Variants in SDK1 observed in about 807,000 individuals in gnomAD.
SDK1 encodes sidekick cell adhesion molecule 1.
Under a neutral mutation model 245.5 loss-of-function variants are expected in SDK1, and 157 were observed. The ratio of observed to expected loss-of-function variants is 0.64; its 90% CI spans 0.56 to 0.73. The LOEUF (loss-of-function observed/expected upper bound fraction) is 0.73, where lower values mean the gene tolerates loss of function less well. Among genes scored for constraint, SDK1 ranks in the 30% least tolerant of loss-of-function variants. The pLI is 0.00. For missense variants in SDK1, 3,583 were observed against 3,002.3 expected, an observed-to-expected ratio of 1.19 and a Z score of -4.52; for synonymous variants, 1,647 against 1,278.5, an observed-to-expected ratio of 1.29 and a Z score of -6.15.
chr7:3,462,059 C>T (rs574216670), intron 1 of SDK1, among the ~76,000 whole-genome samples: 1 of 152,150 alleles, frequency 6.6e-6, no homozygotes, highest in Non-Finnish European at 1.5e-5. Context: ...CAGCAAAGCT[C>T]CCGGAAAGAG....
At chr7:4,233,904 C>G (rs749885071) in intron 41 of SDK1, among the ~76,000 whole-genome samples, 1 of 152,198 alleles carries the variant, frequency 6.6e-6, no homozygotes, top group Non-Finnish European at 1.5e-5. Flanking sequence ...TGTGTTTCCT[C>G]ATAGTTTTAA....
At chr7:3,752,852 A>G (rs6970269) in intron 4 of SDK1, among the ~76,000 whole-genome samples, 10,158 of 152,256 alleles carry the variant, frequency 0.067, 1,000 homozygotes, top group African/African-American at 0.22. Flanking sequence ...TAGTATCTCT[A>G]TTATCTTAAC....
chr7:3,403,846 TATATATATATATATATATATATA>T (rs1410215884), intron 1 of SDK1, among the ~76,000 whole-genome samples: 30 of 106,902 alleles, frequency 2.8e-4, no homozygotes, highest in Middle Eastern at 7.9e-3. Flanking sequence ...TATATATATA[TATATATATATATATATATATATA>T]ATATATATAT....
chr7:3,345,969 C>T (rs1473645203), intron 1 of SDK1, among the ~76,000 whole-genome samples: 1 of 152,176 alleles, frequency 6.6e-6, no homozygotes, highest in Non-Finnish European at 1.5e-5. Context: ...GTCTTTTAAG[C>T]ATAATAATTA....
chr7:3,958,810 C>G (rs1781456718), intron 7 of SDK1, 121 bp from the exon 8 acceptor site: 1 of 793,116 alleles, frequency 1.3e-6, no homozygotes, highest in African/African-American at 1.7e-5. Flanking sequence ...ATGCACGATG[C>G]TAACTAATGA....
chr7:3,852,513 C>T (rs939825796), intron 5 of SDK1, among the ~76,000 whole-genome samples: 15 of 151,304 alleles, frequency 9.9e-5, no homozygotes, highest in South Asian at 4.2e-4. Flanking sequence ...TTTGGGAGGC[C>T]GAGGCGGGCG....
intron 4 of SDK1, among the ~76,000 whole-genome samples, chr7:3,739,516 C>G (rs1185283738): frequency 6.6e-6 from 1 of 152,034 alleles, no homozygotes; most frequent in Non-Finnish European, 1.5e-5. Context: ...TTGCTATTAG[C>G]CTGTCTTCAA....
At chr7:4,229,874 A>T (rs889143602) in intron 40 of SDK1, among the ~76,000 whole-genome samples, 2 of 152,094 alleles carry the variant, frequency 1.3e-5, no homozygotes, top group African/African-American at 4.8e-5. Flanking sequence ...AGTAAATAAA[A>T]TAGTGGTGGT....
At chr7:3,818,768 C>G (rs900530961) in intron 4 of SDK1, among the ~76,000 whole-genome samples, 1 of 152,128 alleles carries the variant, frequency 6.6e-6, no homozygotes, top group Non-Finnish European at 1.5e-5. Context: ...AAGTGCTTTC[C>G]GTTCTCTCTA....
At chr7:3,880,676 G>A (rs547261284) in intron 5 of SDK1, among the ~76,000 whole-genome samples, 1 of 149,814 alleles carries the variant, frequency 6.7e-6, no homozygotes, top group African/African-American at 2.4e-5. Context: ...GCTCTTACTT[G>A]GTTTTCCCAA....
chr7:3,858,189 C>T (rs904836999), intron 5 of SDK1, among the ~76,000 whole-genome samples: 2 of 152,058 alleles, frequency 1.3e-5, no homozygotes, highest in Non-Finnish European at 2.9e-5. Flanking sequence ...CTCCAAGATA[C>T]GTTTTTGTGT....
intron 44 of SDK1, among the ~76,000 whole-genome samples, chr7:4,250,594 C>G (rs1171570403): frequency 6.6e-6 from 1 of 152,158 alleles, no homozygotes; most frequent in African/African-American, 2.4e-5. Flanking sequence ...ATCCGCCCAC[C>G]TCGGCCTCCC....
At chr7:3,491,874 T>G (rs958078306) in intron 1 of SDK1, among the ~76,000 whole-genome samples, 1 of 152,222 alleles carries the variant, frequency 6.6e-6, no homozygotes, top group Non-Finnish European at 1.5e-5. Context: ...AATTTCAATT[T>G]AAAAATTAAA....
intron 35 of SDK1, among the ~76,000 whole-genome samples, chr7:4,193,732 T>C (rs1486707513): frequency 1.3e-5 from 2 of 152,120 alleles, no homozygotes; most frequent in Non-Finnish European, 2.9e-5. Context: ...GAGTGAAGAC[T>C]CTCACTCAAG....
intron 1 of SDK1, among the ~76,000 whole-genome samples, chr7:3,583,604 G>C (rs1780586748): frequency 6.6e-6 from 1 of 152,136 alleles, no homozygotes; most frequent in South Asian, 2.1e-4. Context: ...GGAGTTCCTT[G>C]AGATACAGAA....
intron 4 of SDK1, among the ~76,000 whole-genome samples, chr7:3,800,950 C>A (rs758608648): frequency 6.6e-6 from 1 of 152,128 alleles, no homozygotes; most frequent in Non-Finnish European, 1.5e-5. Flanking sequence ...CTTTAACTTT[C>A]TTTTTTACAC....
At chr7:3,397,817 G>GC in intron 1 of SDK1, among the ~76,000 whole-genome samples, 1 of 152,028 alleles carries the variant, frequency 6.6e-6, no homozygotes, top group South Asian at 2.1e-4. Flanking sequence ...ACCTCTTCTT[G>GC]CATGTTTTAC....
At chr7:3,561,715 A>T (rs924130768) in intron 1 of SDK1, among the ~76,000 whole-genome samples, 5 of 152,192 alleles carry the variant, frequency 3.3e-5, no homozygotes. Flanking sequence ...CTGAAGCTGC[A>T]GGAGATATTA....
chr7:4,037,118 A>G (rs150074448), intron 17 of SDK1, among the ~76,000 whole-genome samples: 47 of 152,336 alleles, frequency 3.1e-4, no homozygotes, highest in African/African-American at 1.1e-3. Flanking sequence ...TGGACAGCCA[A>G]TGCTTGTCAA....
Sources: gnomAD v4.1 joint callset for allele counts (sites outside exome capture counted in the v4.1 genomes callset) on GRCh38, gnomAD v4.1.1 for gene constraint, MANE v1.5 for transcripts, NCBI Gene and HGNC (gene_info 2026-07-23, HGNC 2026-07-21) for gene names.